TMEM26: variants seen among roughly 807,000 people sequenced by gnomAD.
TMEM26 encodes the protein transmembrane protein 26.
A neutral mutation model predicts 28.8 loss-of-function variants in TMEM26; 38 were observed. The observed-to-expected ratio is 1.32, with a 90% CI of 1.02 to 1.73. The LOEUF (loss-of-function observed/expected upper bound fraction) is 1.73. TMEM26 is among the 40% of genes most tolerant of loss of function. The pLI, the probability that TMEM26 is intolerant of heterozygous loss-of-function variation, is 0.00. For missense variants in TMEM26, 518 were observed against 447.1 expected, an observed-to-expected ratio of 1.16 and a Z score of -1.43; for synonymous variants, 227 against 182.9, an observed-to-expected ratio of 1.24 and a Z score of -1.95.
intron 1 of TMEM26, among the ~76,000 whole-genome samples, chr10:61,452,221 C>T (rs985198160): frequency 6.6e-6 from 1 of 152,246 alleles, no homozygotes; most frequent in African/African-American, 2.4e-5. Flanking sequence ...GACGTTAAGA[C>T]TGAACCACTA....
At chr10:61,435,849 A>C (rs1254854059) in intron 2 of TMEM26, among the ~76,000 whole-genome samples, 1 of 152,192 alleles carries the variant, frequency 6.6e-6, no homozygotes, top group Admixed American at 6.5e-5. Flanking sequence ...GGAAGGGTTA[A>C]AATCAAATTT....
chr10:61,416,200 T>C, intron 4 of TMEM26: 1 of 415,888 alleles, frequency 2.4e-6, no homozygotes, highest in South Asian at 1.8e-5. Flanking sequence ...CAAGATCTTT[T>C]GAAGTTTCAT....
intron 4 of TMEM26, among the ~76,000 whole-genome samples, chr10:61,416,425 G>A (rs566430887): frequency 3.4e-4 from 52 of 152,074 alleles, no homozygotes; most frequent in Non-Finnish European, 5.7e-4. Flanking sequence ...ACATCTGCAT[G>A]CTTTAGTTTA....
intron 4 of TMEM26, chr10:61,416,100 T>C: frequency 2.2e-6 from 1 of 451,052 alleles, no homozygotes; most frequent in Non-Finnish European, 4.5e-6. Flanking sequence ...ATGTCTTCTA[T>C]TAGTGGAATT....
chr10:61,419,127 C>T (rs1380408050), intron 4 of TMEM26, among the ~76,000 whole-genome samples: 1 of 152,018 alleles, frequency 6.6e-6, no homozygotes, highest in Non-Finnish European at 1.5e-5. Flanking sequence ...AGATACATTC[C>T]TCCAATTAAG....
chr10:61,439,532 A>G (rs1840058888), intron 1 of TMEM26, among the ~76,000 whole-genome samples: 1 of 152,244 alleles, frequency 6.6e-6, no homozygotes, highest in Non-Finnish European at 1.5e-5. Context: ...TCTGGTATCA[A>G]GTAACCTCTT....
At chr10:61,431,447 G>T (rs1362960087) in intron 2 of TMEM26, 115 bp from the exon 3 acceptor site, 1 of 666,792 alleles carries the variant, frequency 1.5e-6, no homozygotes, top group Non-Finnish European at 2.5e-6. Context: ...AGTTTATACA[G>T]CATATATATA....
intron 1 of TMEM26, 106 bp downstream of exon 1, chr10:61,452,785 C>T: frequency 1.4e-6 from 2 of 1,387,344 alleles, no homozygotes; most frequent in Non-Finnish European, 2.0e-6. Flanking sequence ...AAAACGGGGT[C>T]CAAATTCGAG....
chr10:61,410,619 G>C lies in TMEM26; in HGVS notation c.810C>G (p.Val270=). 13 of 1,614,066 alleles carry C rather than the reference G, an allele frequency of 8.1e-6. No homozygotes were observed. Among genetic ancestry groups the C allele is most frequent in the Non-Finnish European group, 1.0e-5 (12 of 1,180,014 alleles). The change falls in exon 6 of 6, where the codon GTC becomes GTG. Residue 270 remains valine, a synonymous_variant. Coordinates refer to ENST00000399298, the MANE Select transcript of TMEM26 (RefSeq NM_178505.8). ...SVFIQDGPFL[V]VRLILMTYFK... ...AATAGGTCATCAGTATGAGACGCAC[G>C]ACAAGGAAGGGGCCATCTTGTATGA...
chr10:61,434,341 T>C (rs1011333639), intron 2 of TMEM26, among the ~76,000 whole-genome samples: 13 of 152,192 alleles, frequency 8.5e-5, no homozygotes, highest in African/African-American at 3.1e-4. Flanking sequence ...AAAGGGAACT[T>C]TTGGTTGCAC....
chr10:61,410,313 A>G lies in TMEM26; in HGVS notation c.*9T>C, dbSNP rs370720344. 12 of 1,598,252 alleles carry G rather than the reference A, an allele frequency of 7.5e-6. No individual in the cohort carries two copies. Among genetic ancestry groups the G allele is most frequent in the Non-Finnish European group, 1.0e-5 (12 of 1,170,078 alleles). The stretch of plus-strand genomic sequence containing the variant: ...CAGGTTCTAGCCGCAGACCACTGTC[A>G]ATCAATAACTAAGGGGTGTGGTGGG... On this transcript the variant is annotated 3_prime_UTR_variant, in exon 6 of 6. Coordinates refer to ENST00000399298, the MANE Select transcript of TMEM26 (RefSeq NM_178505.8).
In TMEM26 at chr10:61,452,947, C is replaced by T. The variant is rs772774257; in HGVS notation, c.135G>A (p.Leu45=). ...RYWLLALLNL[L]LFLETALTLK... ...GGGTGAGCGCAGTCTCCAGGAAGAGCAAGAGGTTGAGCAGCGCAAGCAGCC... is the reference window on the plus strand; with the variant it reads ...GGGTGAGCGCAGTCTCCAGGAAGAGTAAGAGGTTGAGCAGCGCAAGCAGCC... Residue 45 remains leucine, a synonymous_variant, in exon 1 of 6, where the codon TTG becomes TTA. Coordinates refer to ENST00000399298, the MANE Select transcript of TMEM26 (RefSeq NM_178505.8). The T allele has an allele frequency of 6.2e-7, 1 of 1,614,092 alleles. No homozygotes were observed. Among genetic ancestry groups the T allele is most frequent in the South Asian group, 1.1e-5 (1 of 91,074 alleles).
chr10:61,428,862 C>G (rs1349410195), intron 4 of TMEM26, 64 bp downstream of exon 4: 2 of 1,392,220 alleles, frequency 1.4e-6, no homozygotes, highest in Non-Finnish European at 2.0e-6. Flanking sequence ...AGTCACAGAA[C>G]AAAGAGACAG....
At chr10:61,428,880 G>T in intron 4 of TMEM26, 46 bp downstream of exon 4, 1 of 1,535,262 alleles carries the variant, frequency 6.5e-7, no homozygotes, top group Non-Finnish European at 9.0e-7. Context: ...CAGGTGCATG[G>T]TCTTGACCCT....
chr10:61,410,780 C>G, intron 5 of TMEM26, 34 bp from the exon 6 acceptor site: 14 of 1,601,036 alleles, frequency 8.7e-6, no homozygotes, highest in Non-Finnish European at 1.2e-5. Context: ...TACTATCTCT[C>G]TTGGAAGTGT....
chr10:61,412,851 T>C (rs1839589371), intron 5 of TMEM26: 3 of 886,322 alleles, frequency 3.4e-6, no homozygotes, highest in Admixed American at 5.7e-5. Context: ...AGATTATTGC[T>C]AGTATAAAAT....
At chr10:61,439,846 T>C (rs2135325465) in intron 1 of TMEM26, among the ~76,000 whole-genome samples, 1 of 152,338 alleles carries the variant, frequency 6.6e-6, no homozygotes, top group South Asian at 2.1e-4. Context: ...ATACTTGTTA[T>C]TTATGCTTAT....
At chr10:61,445,847 AAACTT>A (rs1181761383) in intron 1 of TMEM26, among the ~76,000 whole-genome samples, 2 of 152,180 alleles carry the variant, frequency 1.3e-5, no homozygotes, top group Non-Finnish European at 2.9e-5. Context: ...CGTTGGAAAA[AAACTT>A]AAGGTATTCA....
intron 2 of TMEM26, among the ~76,000 whole-genome samples, chr10:61,432,394 G>T (rs189393897): frequency 6.6e-6 from 1 of 151,964 alleles, no homozygotes; most frequent in Admixed American, 6.6e-5. Context: ...AGTGAATTGT[G>T]CATGATATTT....
Sources: gnomAD v4.1 joint callset for allele counts (sites outside exome capture counted in the v4.1 genomes callset) on GRCh38, gnomAD v4.1.1 for gene constraint, MANE v1.5 for transcripts, NCBI Gene and HGNC (gene_info 2026-07-23, HGNC 2026-07-21) for gene names.